Variants in OSBPL11 observed in about 807,000 individuals in gnomAD.
OSBPL11 encodes the protein oxysterol-binding protein-related protein 11.
OSBPL11 carries 33 observed loss-of-function variants against 84.4 expected under a neutral mutation model. The observed-to-expected ratio is 0.39, with a 90% CI of 0.30 to 0.52. OSBPL11 has a LOEUF of 0.52. Among genes scored for constraint, OSBPL11 ranks in the 20% least tolerant of loss-of-function variants. OSBPL11 has a pLI of 0.72. For synonymous variants in OSBPL11, 276 were observed against 310.2 expected (o/e 0.89, Z 1.16); for missense variants, 736 against 901.1 (o/e 0.82, Z 2.35).
At chr3:125,589,522 CTT>C (rs1446163445) in intron 1 of OSBPL11, among the ~76,000 whole-genome samples, 13 of 151,502 alleles carry the variant, frequency 8.6e-5, no homozygotes, top group Admixed American at 2.6e-4. Flanking sequence ...TTATCTTTCT[CTT>C]GTTTTTACCA....
chr3:125,538,211 G>C (rs550307993), intron 11 of OSBPL11, among the ~76,000 whole-genome samples: 1 of 152,230 alleles, frequency 6.6e-6, no homozygotes, highest in South Asian at 2.1e-4. Context: ...TTCTTTGACA[G>C]TAAATGTTTT....
At chr3:125,565,279 A>G (rs1936137246) in intron 6 of OSBPL11, among the ~76,000 whole-genome samples, 1 of 152,114 alleles carries the variant, frequency 6.6e-6, no homozygotes, top group African/African-American at 2.4e-5. Context: ...CTTAAAAATA[A>G]GCAAATAATT....
In OSBPL11 at chr3:125,573,495, C is replaced by T. The variant is rs552793353; in HGVS notation, c.666+2694G>A. ...CTAATAAGAAAGAGTAAATAGGAAA[C>T]AGATGATTTTAATAAAGTAAAGCTT... On this transcript the variant is annotated intron_variant, in intron 5 of 12. Coordinates refer to ENST00000296220, the MANE Select transcript of OSBPL11 (RefSeq NM_022776.5). 1.9e-4 allele frequency among the ~76,000 whole-genome samples: 29 copies of T among 152,280 alleles called. 1 individual carries two copies. The South Asian group carries it at 6.0e-3, about 32-fold the overall frequency.
rs746090312 is a variant in OSBPL11 at position 125,552,379 on chromosome 3, G to A, written c.1456C>T (p.Pro486Ser). 6.8e-6 allele frequency: 11 copies of A among 1,614,058 alleles called. No individual in the cohort carries two copies. In the African/African-American group the frequency reaches 9.3e-5, roughly 14 times the overall value. ...SSTQGVTNHA[P>S]LSGESLTQVG... ...TGGGTCAAAGACTCCCCCGATAAAGGAGCATGATTTGTGACTCCCTGGGTG... is the reference window on the plus strand; with the variant it reads ...TGGGTCAAAGACTCCCCCGATAAAGAAGCATGATTTGTGACTCCCTGGGTG... The change falls in exon 9 of 13, where the codon CCT becomes TCT. Residue 486 changes from proline (P) to serine (S), a missense_variant. Pro to Ser is a moderately conservative substitution (Grantham distance 74). Around this residue, in one of 3 missense-constraint regions of OSBPL11, gnomAD observed 579 missense variants for 717.6 expected, o/e 0.81. Coordinates refer to ENST00000296220, the MANE Select transcript of OSBPL11 (RefSeq NM_022776.5).
chr3:125,565,647 A>AT (rs1328124396), intron 6 of OSBPL11, among the ~76,000 whole-genome samples: 1 of 152,144 alleles, frequency 6.6e-6, no homozygotes, highest in East Asian at 1.9e-4. Context: ...GACAATGCAT[A>AT]TTTTTTGTTT....
Position 125,560,497 on chromosome 3 carries a change from T to A in OSBPL11, c.1037A>T (p.Asp346Val), listed in dbSNP as rs761101656. The change falls in exon 8 of 13, where the codon GAT becomes GTT. Residue 346 changes from aspartate (D) to valine (V), a missense_variant. Transcript: ENST00000296220. ...LAREPEEINADDEIEDTCDHK... is the reference protein window; with the variant it reads ...LAREPEEINAVDEIEDTCDHK... ...GTCACATGTATCCTCTATCTCATCATCTGCATTTATTTCTTCAGGCTCCTT... is the reference window on the plus strand; with the variant it reads ...GTCACATGTATCCTCTATCTCATCAACTGCATTTATTTCTTCAGGCTCCTT... 1 of 1,584,044 alleles carries A rather than the reference T, an allele frequency of 6.3e-7. No individual in the cohort carries two copies. The highest frequency in any genetic ancestry group is 1.7e-5 in the Admixed American group (1 of 57,658).
intron 12 of OSBPL11, among the ~76,000 whole-genome samples, chr3:125,531,237 CA>C (rs1935550429): frequency 1.3e-5 from 2 of 151,684 alleles, no homozygotes; most frequent in Admixed American, 1.3e-4. Context: ...CTCGGCCTCC[CA>C]AAGTGCTGGG....
intron 10 of OSBPL11, among the ~76,000 whole-genome samples, chr3:125,546,167 G>A (rs1252172152): frequency 7.4e-6 from 1 of 135,040 alleles, no homozygotes; most frequent in Non-Finnish European, 1.6e-5. Context: ...CGTTTTTTTT[G>A]TGTGTGTGTG....
At chr3:125,550,379 A>G (rs1413385991) in intron 9 of OSBPL11, among the ~76,000 whole-genome samples, 1 of 106,552 alleles carries the variant, frequency 9.4e-6, no homozygotes, top group African/African-American at 4.5e-5. Context: ...TGTCACACAC[A>G]CACACACACA....
intron 10 of OSBPL11, among the ~76,000 whole-genome samples, chr3:125,541,483 T>C (rs1935728133): frequency 6.6e-6 from 1 of 152,224 alleles, no homozygotes; most frequent in Non-Finnish European, 1.5e-5. Flanking sequence ...GCTGGGCATT[T>C]TACATAAATT....
At chr3:125,550,247 C>CA (rs1935880517) in intron 9 of OSBPL11, among the ~76,000 whole-genome samples, 2 of 151,782 alleles carry the variant, frequency 1.3e-5, no homozygotes, top group South Asian at 4.2e-4. Context: ...TGGTGGCGCA[C>CA]GCCTGTAATC....
chr3:125,559,947 T>TA (rs1270174225), intron 8 of OSBPL11, among the ~76,000 whole-genome samples: 2 of 150,160 alleles, frequency 1.3e-5, no homozygotes, highest in Non-Finnish European at 3.0e-5. Context: ...AAAAAAATCA[T>TA]AAAAAATAAA....
Position 125,554,520 on chromosome 3 carries a change from A to C in OSBPL11, c.1156-1841T>G, listed in dbSNP as rs192833818. On this transcript the variant is annotated intron_variant, in intron 8 of 12. Coordinates refer to ENST00000296220, the MANE Select transcript of OSBPL11 (RefSeq NM_022776.5). ...GTGTTAAAGCTTAAAATCAGATTTT[A>C]GTTTCCCTAAACTTAATTGTGAGCA... is the stretch of plus-strand genomic sequence containing the variant. Among the ~76,000 whole-genome samples, 333 of 152,368 alleles carry C rather than the reference A, an allele frequency of 2.2e-3. 2 individuals carry two copies. Among genetic ancestry groups the C allele is most frequent in the African/African-American group, 7.6e-3 (318 of 41,590 alleles).
chr3:125,579,746 T>C (rs1936391587), intron 3 of OSBPL11, 119 bp downstream of exon 3: 1 of 862,286 alleles, frequency 1.2e-6, no homozygotes, highest in African/African-American at 1.7e-5. Flanking sequence ...CAGAATATTG[T>C]ATTTACATCA....
At chr3:125,563,531 A>G (rs1001430173) in intron 7 of OSBPL11, among the ~76,000 whole-genome samples, 167 bp downstream of exon 7, 1 of 152,242 alleles carries the variant, frequency 6.6e-6, no homozygotes, top group African/African-American at 2.4e-5. Context: ...CAAGTTTAAT[A>G]TAAGAGACCT....
chr3:125,549,570 T>A (rs542023923), intron 9 of OSBPL11, among the ~76,000 whole-genome samples: 1 of 152,130 alleles, frequency 6.6e-6, no homozygotes, highest in Non-Finnish European at 1.5e-5. Flanking sequence ...CTGCCTCAAT[T>A]TCCTGAGCTC....
chr3:125,545,598 G>C (rs1046901049), intron 10 of OSBPL11, among the ~76,000 whole-genome samples: 1 of 151,946 alleles, frequency 6.6e-6, no homozygotes, highest in East Asian at 1.9e-4. Flanking sequence ...ATGCAGTAAA[G>C]TATATAGATA....
intron 10 of OSBPL11, among the ~76,000 whole-genome samples, chr3:125,539,328 T>C (rs867344593): frequency 9.3e-5 from 11 of 118,404 alleles, no homozygotes; most frequent in Non-Finnish European, 1.7e-4. Flanking sequence ...TATATATATA[T>C]ATATATATAT....
At chr3:125,553,068 C>T (rs1580047397) in intron 8 of OSBPL11, among the ~76,000 whole-genome samples, 2 of 152,086 alleles carry the variant, frequency 1.3e-5, no homozygotes, top group Admixed American at 6.5e-5. Flanking sequence ...GCCATGACTG[C>T]GCCACTGCAC....
Sources: gnomAD v4.1 joint callset for allele counts (sites outside exome capture counted in the v4.1 genomes callset) on GRCh38, gnomAD v4.1.1 for gene constraint, gnomAD v4.1.1 regional missense constraint, MANE v1.5 for transcripts, NCBI Gene and HGNC (gene_info 2026-07-23, HGNC 2026-07-21) for gene names.